ZNF652: variants seen among roughly 807,000 people sequenced by gnomAD.
ZNF652 encodes zinc finger protein 652.
A neutral mutation model predicts 45.2 loss-of-function variants in ZNF652; 16 were observed. The observed-to-expected ratio is 0.35, with a 90% confidence interval of 0.24 to 0.54. The LOEUF (loss-of-function observed/expected upper bound fraction) is 0.54, where lower values mean the gene tolerates loss of function less well. Among genes scored for constraint, ZNF652 ranks in the 20% least tolerant of loss-of-function variants. ZNF652 has a pLI of 0.91. For missense variants in ZNF652, 614 were observed against 765.6 expected (o/e 0.80, Z 2.34); for synonymous variants, 250 against 260.6 (o/e 0.96, Z 0.39).
At chr17:49,311,520 AAC>A (rs777016683) in intron 4 of ZNF652, 64 bp from the exon 5 acceptor site, 11 of 1,542,396 alleles carry the variant, frequency 7.1e-6, no homozygotes, top group African/African-American at 5.5e-5. Context: ...AGCCCACCCT[AAC>A]ACAGTCTCTG....
At chr17:49,339,428 T>C (rs1225162098) in intron 1 of ZNF652, among the ~76,000 whole-genome samples, 1 of 152,012 alleles carries the variant, frequency 6.6e-6, no homozygotes, top group Non-Finnish European at 1.5e-5. Flanking sequence ...ATGTTTTATT[T>C]TCATGTTTGT....
At chr17:49,310,845 T>A (rs945289599) in intron 5 of ZNF652, among the ~76,000 whole-genome samples, 4 of 152,186 alleles carry the variant, frequency 2.6e-5, no homozygotes, top group African/African-American at 9.7e-5. Context: ...GAGGCTGCAG[T>A]GAGCTGAGAT....
At chr17:49,362,454 G>C (rs1262728013), upstream of ZNF652, 1 of 151,576 alleles carries the variant, frequency 6.6e-6, no homozygotes, top group Non-Finnish European at 1.5e-5. Context: ...CCGCCGCCCA[G>C]ATAACCGCCG....
At chr17:49,339,524 C>A (rs976535207) in intron 1 of ZNF652, among the ~76,000 whole-genome samples, 3 of 151,984 alleles carry the variant, frequency 2.0e-5, no homozygotes, top group Non-Finnish European at 4.4e-5. Context: ...AGCCAGAAAT[C>A]GTTGCAACTT....
intron 1 of ZNF652, among the ~76,000 whole-genome samples, chr17:49,344,008 C>T (rs4566223): frequency 0.42 from 64,275 of 151,384 alleles, 13,922 homozygotes; most frequent in East Asian, 0.48. Context: ...ACCATCCTGG[C>T]TAACACAGTG....
rs2069373813 is a variant in ZNF652, at chr17:49,289,299, T to C, written c.*9114A>G. On this transcript the variant is annotated 3_prime_UTR_variant, in exon 6 of 6. Coordinates refer to ENST00000430262, the MANE Select transcript of ZNF652 (RefSeq NM_001145365.3). ...AGGCCCAGCATCTCAGAAAAATCAT[T>C]AGGCGGCACACCTGTACCAGAGTCT... 1 of 151,822 alleles carries C rather than the reference T, an allele frequency of 6.6e-6. No individual in the cohort carries two copies. Among genetic ancestry groups the C allele is most frequent in the Non-Finnish European group, 1.5e-5 (1 of 67,994 alleles). The allele number at this position is 151,822 out of a possible 1,614,324, so 9.4% of individuals were successfully genotyped here.
chr17:49,362,231 G>A lies in ZNF652; in HGVS notation c.-581C>T, dbSNP rs542271356. 6.6e-6 allele frequency: 1 copy of A among 150,740 alleles called. No homozygotes were observed. Among genetic ancestry groups the A allele is most frequent in the African/African-American group, 2.4e-5 (1 of 41,288 alleles). The allele number at this position is 150,740 out of a possible 1,614,324, so 9.3% of individuals were successfully genotyped here. ...CGTGTGTGGATGTGTGTGCCGGAGG[G>A]GGCAGGGAGGGAGGCGAGCGGCGGC... On this transcript the variant is annotated 5_prime_UTR_variant, in exon 1 of 6. Transcript: ENST00000430262.
intron 1 of ZNF652, among the ~76,000 whole-genome samples, chr17:49,336,942 G>GTTTTTTT (rs200178711): frequency 4.9e-4 from 56 of 115,136 alleles, no homozygotes; most frequent in East Asian, 4.4e-3. Context: ...TCTTAATGGT[G>GTTTTTTT]TTTTTTTTTT....
At chr17:49,337,961 C>T (rs931495192) in intron 1 of ZNF652, among the ~76,000 whole-genome samples, 3 of 152,174 alleles carry the variant, frequency 2.0e-5, no homozygotes, top group Non-Finnish European at 4.4e-5. Flanking sequence ...GACCTATGCA[C>T]AAAAAATAAG....
At chr17:49,302,027 G>A (rs568919544) in intron 5 of ZNF652, among the ~76,000 whole-genome samples, 2 of 152,172 alleles carry the variant, frequency 1.3e-5, no homozygotes, top group East Asian at 3.9e-4. Context: ...CGAAGCAGGA[G>A]GATTGCTTAA....
At chr17:49,345,690 AAT>A (rs1414323065) in intron 1 of ZNF652, among the ~76,000 whole-genome samples, 2 of 151,386 alleles carry the variant, frequency 1.3e-5, no homozygotes, top group African/African-American at 4.8e-5. Flanking sequence ...AAATACAAAA[AAT>A]TAGCCGGGCG....
chr17:49,302,990 T>C (rs942216765), intron 5 of ZNF652, among the ~76,000 whole-genome samples: 1 of 151,510 alleles, frequency 6.6e-6, no homozygotes, highest in Non-Finnish European at 1.5e-5. Context: ...CAAAAAAGCA[T>C]GCATGGTATT....
chr17:49,317,163 G>A lies in ZNF652; in HGVS notation c.563C>T (p.Thr188Ile). The change falls in exon 2 of 6, where the codon ACA becomes ATA. Residue 188 changes from threonine (T) to isoleucine (I), a missense_variant. By Grantham distance (89) the Thr-to-Ile change is moderately conservative. This residue lies in a region of ZNF652 where 262 missense variants were observed against 306.3 expected (regional missense o/e 0.86). Coordinates refer to ENST00000430262, the MANE Select transcript of ZNF652 (RefSeq NM_001145365.3). ...GGCAGCTCTCCTGGTTCTCCTTTGT[G>A]TAACGCTGACTTTCTCTACTATCTT... ...KEKIVEKVSVTQRRTRRAASV... is the reference protein window; with the variant it reads ...KEKIVEKVSVIQRRTRRAASV... 1 of 1,613,912 alleles carries A rather than the reference G, an allele frequency of 6.2e-7. No homozygotes were observed. Among genetic ancestry groups the A allele is most frequent in the East Asian group, 2.2e-5 (1 of 44,862 alleles).
chr17:49,356,321 G>C (rs1179453530), intron 1 of ZNF652, among the ~76,000 whole-genome samples: 2 of 149,054 alleles, frequency 1.3e-5, no homozygotes, highest in South Asian at 2.1e-4. Flanking sequence ...CAGCTACTTG[G>C]GGGAGGCTGA....
At position 49,289,307 on chromosome 17, in the gene ZNF652, A is replaced by C. The variant is rs988895908; in HGVS notation, c.*9106T>G. On this transcript the variant is annotated 3_prime_UTR_variant, in exon 6 of 6. Transcript: ENST00000430262. ...CATCTCAGAAAAATCATTAGGCGGC[A>C]CACCTGTACCAGAGTCTCACAAGAA... is the stretch of plus-strand genomic sequence containing the variant. 5.9e-5 allele frequency: 9 copies of C among 151,890 alleles called. No homozygotes were observed. Among genetic ancestry groups the C allele is most frequent in the Non-Finnish European group, 1.3e-4 (9 of 68,004 alleles). The allele number at this position is 151,890 out of a possible 1,614,324, so 9.4% of individuals were successfully genotyped here. A position where few individuals can be genotyped will look rare whatever the true frequency, so the allele number is the denominator to read the frequency against.
intron 5 of ZNF652, among the ~76,000 whole-genome samples, chr17:49,310,222 GGATTACAGGCGT>G (rs1207136019): frequency 6.6e-6 from 1 of 152,136 alleles, no homozygotes; most frequent in Non-Finnish European, 1.5e-5. Context: ...CAAAGTGCTG[GGATTACAGGCGT>G]GAGCCACCGC....
At chr17:49,357,709 A>T (rs2070352344) in intron 1 of ZNF652, among the ~76,000 whole-genome samples, 1 of 152,244 alleles carries the variant, frequency 6.6e-6, no homozygotes, top group African/African-American at 2.4e-5. Context: ...CTGGACACAG[A>T]ACCCATTGAG....
At chr17:49,325,200 G>C (rs940864277) in intron 1 of ZNF652, among the ~76,000 whole-genome samples, 5 of 152,134 alleles carry the variant, frequency 3.3e-5, no homozygotes, top group African/African-American at 2.4e-5. Flanking sequence ...AAATTAGAGA[G>C]GGGTGACTCT....
At chr17:49,334,607 C>A (rs1489860069) in intron 1 of ZNF652, among the ~76,000 whole-genome samples, 1 of 152,018 alleles carries the variant, frequency 6.6e-6, no homozygotes, top group Non-Finnish European at 1.5e-5. Flanking sequence ...GGTGAAACCC[C>A]ATCTCTACCA....
Sources: allele counts gnomAD v4.1 joint callset (sites outside exome capture counted in the v4.1 genomes callset), GRCh38; gene constraint gnomAD v4.1.1; regional missense constraint gnomAD v4.1.1; transcripts MANE v1.5; gene names NCBI Gene and HGNC (gene_info 2026-07-23, HGNC 2026-07-21).